PLCG2: variants seen among roughly 807,000 people sequenced by gnomAD.
PLCG2 encodes the protein 1-phosphatidylinositol 4,5-bisphosphate phosphodiesterase gamma-2.
PLCG2 carries 69 observed loss-of-function variants against 175.6 expected under a neutral mutation model. The ratio of observed to expected loss-of-function variants is 0.39; its 90% CI spans 0.32 to 0.48. The LOEUF is 0.48. PLCG2 is among the 20% of genes least tolerant of loss of function. The pLI, the probability that PLCG2 is intolerant of heterozygous loss-of-function variation, is 0.91. For synonymous variants in PLCG2, 827 were observed against 624.0 expected (o/e 1.33, Z -4.85); for missense variants, 1,798 against 1,650.9 (o/e 1.09, Z -1.54).
chr16:81,765,805 A>G (rs150408100), intron 2 of PLCG2, among the ~76,000 whole-genome samples: 1 of 152,250 alleles, frequency 6.6e-6, no homozygotes, highest in African/African-American at 2.4e-5. Context: ...GTTGACAGCT[A>G]AGTTCAGACC....
chr16:81,889,151 C>T lies in PLCG2; in HGVS notation c.766-21C>T, dbSNP rs147201176. The T allele has an allele frequency of 6.1e-5, 89 of 1,456,584 alleles. No homozygotes were observed. The African/African-American group carries it at 1.1e-3, about 17-fold the overall frequency. The allele number at this position is 1,456,584 out of a possible 1,614,324, so 90.2% of individuals were successfully genotyped here. A position where few individuals can be genotyped will look rare whatever the true frequency, so the allele number is the denominator to read the frequency against. ...ATCAGTTCTCACTTTGCTGATCTCT[C>T]GTTCTCTTTGTCATTTTAAGGAGCA... is the stretch of plus-strand genomic sequence containing the variant. On this transcript the variant is annotated intron_variant, in intron 9 of 32. Coordinates refer to ENST00000564138, the MANE Select transcript of PLCG2 (RefSeq NM_002661.5).
chr16:81,847,251 C>A (rs1458993535), intron 2 of PLCG2, among the ~76,000 whole-genome samples: 1 of 152,178 alleles, frequency 6.6e-6, no homozygotes, highest in African/African-American at 2.4e-5. Context: ...GCATAGGGTT[C>A]CCATGTTCTC....
intron 1 of PLCG2, among the ~76,000 whole-genome samples, chr16:81,749,889 A>G (rs1485556652): frequency 2.6e-5 from 4 of 152,184 alleles, no homozygotes; most frequent in African/African-American, 9.7e-5. Context: ...ATGTCCCTCA[A>G]TGGACAGCTG....
intron 31 of PLCG2, among the ~76,000 whole-genome samples, chr16:81,953,423 G>C (rs746664560): frequency 4.6e-5 from 7 of 152,098 alleles, no homozygotes; most frequent in Non-Finnish European, 8.8e-5. Context: ...TTTTTTGTAA[G>C]CTTAAGCTTC....
intron 23 of PLCG2, among the ~76,000 whole-genome samples, chr16:81,927,899 C>G (rs1188446696): frequency 6.6e-6 from 1 of 152,152 alleles, no homozygotes; most frequent in Non-Finnish European, 1.5e-5. Context: ...TGTGCTTGGG[C>G]TGAGGCAGAG....
rs41305765 is a variant in PLCG2 at position 81,912,763 on chromosome 16, A to T, written c.2054+47A>T. 5.2e-6 allele frequency: 8 copies of T among 1,526,814 alleles called. No individual in the cohort carries two copies. In the African/African-American group the frequency reaches 7.0e-5, roughly 13 times the overall value. 94.6% of individuals were successfully genotyped at this position (1,526,814 alleles called of 1,614,324 possible). On this transcript the variant is annotated intron_variant, in intron 19 of 32. Transcript: ENST00000564138. ...ACATGCTCTACAGAGGGGCTTGGCA[A>T]GGACAGATGCGGAGAGACAAGGGGG...
chr16:81,860,680 C>A (rs951039305), intron 5 of PLCG2, among the ~76,000 whole-genome samples: 2 of 152,136 alleles, frequency 1.3e-5, no homozygotes, highest in Non-Finnish European at 2.9e-5. Context: ...ATGATAAAAA[C>A]TACCATTTGG....
At chr16:81,883,486 C>A in intron 9 of PLCG2, 145 bp downstream of exon 9, 1 of 643,888 alleles carries the variant, frequency 1.6e-6, no homozygotes, top group South Asian at 1.8e-5. Flanking sequence ...CTTCATGGAA[C>A]GATTGCAGTC....
At chr16:81,849,096 G>C (rs545065394) in intron 2 of PLCG2, among the ~76,000 whole-genome samples, 2 of 152,182 alleles carry the variant, frequency 1.3e-5, no homozygotes. Flanking sequence ...CTTAGGCCAC[G>C]TGGGGTTGGA....
chr16:81,920,761 A>C (rs76557652), intron 20 of PLCG2, among the ~76,000 whole-genome samples: 3 of 150,726 alleles, frequency 2.0e-5, no homozygotes, highest in Non-Finnish European at 3.0e-5. Flanking sequence ...GGTAGGGGGA[A>C]GGCACTGGTT....
At chr16:81,881,257 T>A (rs538211955) in intron 8 of PLCG2, among the ~76,000 whole-genome samples, 12 of 152,236 alleles carry the variant, frequency 7.9e-5, no homozygotes, top group African/African-American at 2.9e-4. Context: ...TTTTTTTTTT[T>A]AATTACAAAA....
chr16:81,877,051 A>T (rs189790370), intron 7 of PLCG2, among the ~76,000 whole-genome samples: 14 of 152,304 alleles, frequency 9.2e-5, no homozygotes, highest in African/African-American at 3.1e-4. Context: ...TTACTACCTG[A>T]TGGGATCAGC....
At chr16:81,778,200 A>T (rs888858701), upstream of PLCG2, among the ~76,000 whole-genome samples, 7 of 152,000 alleles carry the variant, frequency 4.6e-5, no homozygotes, top group South Asian at 2.1e-4. Context: ...ACATAGTGAG[A>T]CCTCATGTCG....
At chr16:81,883,476 C>G (rs763894839) in intron 9 of PLCG2, 135 bp downstream of exon 9, 3 of 664,674 alleles carry the variant, frequency 4.5e-6, no homozygotes, top group Non-Finnish European at 8.1e-6. Flanking sequence ...GGCCACCTGT[C>G]TTCATGGAAC....
intron 1 of PLCG2, among the ~76,000 whole-genome samples, chr16:81,782,933 T>C (rs754300891): frequency 1.3e-5 from 2 of 152,216 alleles, no homozygotes; most frequent in Non-Finnish European, 2.9e-5. Flanking sequence ...CCTGCTCCTT[T>C]AGGGCAACCT....
Position 81,919,480 on chromosome 16 carries a change from C to G in PLCG2, c.2055-4C>G. ...ATGTCAACCCTGTGTTCTTCCTGCT[C>G]CAGGGCTAGGGGCAAGGTAAAGCAT... is the stretch of plus-strand genomic sequence containing the variant. On this transcript the variant is annotated splice_polypyrimidine_tract_variant and splice_region_variant and intron_variant, in intron 19 of 32. Coordinates refer to ENST00000564138, the MANE Select transcript of PLCG2 (RefSeq NM_002661.5). The G allele has an allele frequency of 6.2e-7, 1 of 1,612,068 alleles. No individual in the cohort carries two copies. Among genetic ancestry groups the G allele is most frequent in the Admixed American group, 1.7e-5 (1 of 59,988 alleles).
intron 2 of PLCG2, among the ~76,000 whole-genome samples, chr16:81,795,754 C>T (rs1257633358): frequency 6.6e-6 from 1 of 151,752 alleles, no homozygotes; most frequent in Non-Finnish European, 1.5e-5. Flanking sequence ...GGCTGGAGTA[C>T]AGTGGTGTGA....
In PLCG2 at chr16:81,844,703, A is replaced by G. The variant is rs1013628429; in HGVS notation, c.194-9741A>G. The stretch of plus-strand genomic sequence containing the variant: ...CTATGATCTGGATTGTGCATTTTGC[A>G]TAAAAAAAGAGTTAATAAGTTATAG... On this transcript the variant is annotated intron_variant, in intron 2 of 32. Coordinates refer to ENST00000564138, the MANE Select transcript of PLCG2 (RefSeq NM_002661.5). Among the ~76,000 whole-genome samples, 6 of 152,368 alleles carry G rather than the reference A, an allele frequency of 3.9e-5. No individual in the cohort carries two copies. The South Asian group carries it at 1.2e-3, about 32-fold the overall frequency.
At chr16:81,945,881 T>C (rs1911129866) in intron 30 of PLCG2, among the ~76,000 whole-genome samples, 1 of 152,226 alleles carries the variant, frequency 6.6e-6, no homozygotes, top group South Asian at 2.1e-4. Flanking sequence ...ATCACTACAC[T>C]CAATGTGGAA....
Sources: gnomAD v4.1 joint callset for allele counts (sites outside exome capture counted in the v4.1 genomes callset) on GRCh38, gnomAD v4.1.1 for gene constraint, MANE v1.5 for transcripts, NCBI Gene and HGNC (gene_info 2026-07-23, HGNC 2026-07-21) for gene names.